Variants in BMERB1 observed in about 807,000 individuals in gnomAD.
The protein encoded by BMERB1 is bMERB domain-containing protein 1.
BMERB1 carries 12 observed loss-of-function variants against 23.6 expected under a neutral mutation model. The ratio of observed to expected loss-of-function variants is 0.51; its 90% CI spans 0.33 to 0.82. BMERB1 has a LOEUF of 0.82. Ranked by LOEUF, BMERB1 falls within the 40% of genes least tolerant of loss-of-function variation. BMERB1 has a pLI of 0.03. For synonymous variants in BMERB1, 122 were observed against 96.6 expected (o/e 1.26, Z -1.54); for missense variants, 247 against 255.4 (o/e 0.97, Z 0.22).
chr16:15,441,694 A>T (rs1401643423), intron 1 of BMERB1, among the ~76,000 whole-genome samples: 1 of 151,724 alleles, frequency 6.6e-6, no homozygotes. Context: ...TTAGTTTGTG[A>T]ATTTTTGGTA....
intron 2 of BMERB1, chr16:15,536,550 G>A (rs1413330004): frequency 6.6e-6 from 1 of 152,298 alleles, no homozygotes; most frequent in Non-Finnish European, 1.5e-5. Context: ...CTGCTTCCCC[G>A]ATTGAGCACT....
chr16:15,500,931 C>A (rs529046249), intron 1 of BMERB1, among the ~76,000 whole-genome samples: 2 of 152,124 alleles, frequency 1.3e-5, no homozygotes, highest in African/African-American at 4.8e-5. Flanking sequence ...GGATTACAGG[C>A]GTGAGCCACC....
chr16:15,452,878 G>A (rs2051053994), intron 1 of BMERB1, among the ~76,000 whole-genome samples: 1 of 152,144 alleles, frequency 6.6e-6, no homozygotes, highest in Non-Finnish European at 1.5e-5. Flanking sequence ...TCACGGGTGA[G>A]GTGTATTCTC....
At chr16:15,503,308 G>A (rs1002918585) in intron 1 of BMERB1, among the ~76,000 whole-genome samples, 46 of 151,806 alleles carry the variant, frequency 3.0e-4, no homozygotes, top group African/African-American at 1.1e-3. Context: ...TTGAGACGGA[G>A]TCTCGCTCTG....
At chr16:15,571,753 G>A in intron 3 of BMERB1, among the ~76,000 whole-genome samples, 1 of 152,120 alleles carries the variant, frequency 6.6e-6, no homozygotes, top group Admixed American at 6.5e-5. Context: ...TAAATTAACA[G>A]CTTATCCTAA....
chr16:15,532,538 C>T (rs1006922734), intron 2 of BMERB1, among the ~76,000 whole-genome samples: 90 of 94,930 alleles, frequency 9.5e-4, no homozygotes, highest in Non-Finnish European at 9.9e-4. Context: ...TTTTTTTTTT[C>T]TTTTTCTTTT....
chr16:15,545,746 T>C (rs2052127599), intron 2 of BMERB1, among the ~76,000 whole-genome samples: 2 of 152,150 alleles, frequency 1.3e-5, no homozygotes, highest in African/African-American at 4.8e-5. Context: ...GAGCTTCTGA[T>C]TGGCTGAGTC....
chr16:15,554,144 G>A (rs934168188), intron 2 of BMERB1, among the ~76,000 whole-genome samples: 2 of 151,912 alleles, frequency 1.3e-5, no homozygotes, highest in Admixed American at 6.6e-5. Context: ...GTTGCATCTC[G>A]ATTTGAGCAG....
chr16:15,546,269 C>T (rs1003485785), intron 2 of BMERB1, among the ~76,000 whole-genome samples: 9 of 152,192 alleles, frequency 5.9e-5, no homozygotes, highest in African/African-American at 2.2e-4. Context: ...GCCTACATGA[C>T]AGAGCAAGAC....
chr16:15,587,443 C>T lies in BMERB1; in HGVS notation c.*614C>T. The T allele has an allele frequency of 3.1e-6, 1 of 323,774 alleles. No homozygotes were observed. 20.1% of individuals were successfully genotyped at this position (323,774 alleles called of 1,614,324 possible). On this transcript the variant is annotated 3_prime_UTR_variant, in exon 6 of 6. Transcript: ENST00000300006. Reference sequence around the variant, plus strand: ...CGTGGTCACATCTCCCGCTTCCCCCCATCCTGTGTCTGGGCACAGTTCACA... The same window carrying T: ...CGTGGTCACATCTCCCGCTTCCCCCTATCCTGTGTCTGGGCACAGTTCACA...
Position 15,434,683 on chromosome 16 carries a change from T to C in BMERB1, c.30T>C (p.His10=). Residue 10 remains histidine (H), a synonymous_variant, in exon 1 of 6, where the codon CAT becomes CAC. Transcript: ENST00000300006. ...AATTAAAGCAATCTTTGTCCACCCA[T>C]CTGGAAGCCGAGAAGCCTCTGAGGC... MELKQSLST[H]LEAEKPLRRY... The C allele has an allele frequency of 6.2e-7, 1 of 1,612,024 alleles. No homozygotes were observed. The highest frequency in any genetic ancestry group is 1.1e-5 in the South Asian group (1 of 91,042).
chr16:15,505,887 C>CAA lies in BMERB1; in HGVS notation c.107-9401_107-9400dup, dbSNP rs754187273. Among the ~76,000 whole-genome samples the CAA allele has an allele frequency of 4.5e-4, 25 of 55,582 alleles. 2 individuals carry two copies. Among genetic ancestry groups the CAA allele is most frequent in the Admixed American group, 6.6e-4 (3 of 4,546 alleles). The allele number at this position is 55,582 out of a possible 152,430, so 36.5% of individuals were successfully genotyped here. A position where few individuals can be genotyped will look rare whatever the true frequency, so the allele number is the denominator to read the frequency against. ...TGGGTGACAGAGCGAGACGCCGTTT[C>CAA]AAAAAAAAAAAAAAAAAAGTGAATG... On this transcript the variant is annotated intron_variant, in intron 1 of 5. Transcript: ENST00000300006.
intron 2 of BMERB1, among the ~76,000 whole-genome samples, chr16:15,517,735 C>T (rs66651392): frequency 0.25 from 37,510 of 151,682 alleles, 5,951 homozygotes; most frequent in East Asian, 0.51. Context: ...ACTGTGTGCG[C>T]GTGTGTGTGG....
At chr16:15,488,386 T>C (rs2150938043) in intron 1 of BMERB1, among the ~76,000 whole-genome samples, 2 of 152,218 alleles carry the variant, frequency 1.3e-5, no homozygotes, top group East Asian at 3.9e-4. Context: ...GGGGCCATAT[T>C]TTTCATACCC....
At chr16:15,440,425 C>T (rs1327282017) in intron 1 of BMERB1, among the ~76,000 whole-genome samples, 1 of 152,006 alleles carries the variant, frequency 6.6e-6, no homozygotes. Context: ...GATCGTAAAA[C>T]TGGCCAGCGT....
At chr16:15,494,877 C>CTTTT (rs754135430) in intron 1 of BMERB1, among the ~76,000 whole-genome samples, 51 of 95,160 alleles carry the variant, frequency 5.4e-4, no homozygotes, top group Non-Finnish European at 6.9e-4. Context: ...TTTTTTTTAT[C>CTTTT]TTTTTTTTTT....
At chr16:15,462,367 T>C (rs1287829401) in intron 1 of BMERB1, among the ~76,000 whole-genome samples, 1 of 152,014 alleles carries the variant, frequency 6.6e-6, no homozygotes, top group Non-Finnish European at 1.5e-5. Context: ...TTGGCCAGGC[T>C]GGTCTTGAAG....
At chr16:15,497,251 C>T (rs77240416) in intron 1 of BMERB1, among the ~76,000 whole-genome samples, 1,896 of 152,220 alleles carry the variant, frequency 0.012, 23 homozygotes, top group Non-Finnish European at 0.02. Context: ...CAACTAAAAT[C>T]AAGGGTTTAT....
intron 5 of BMERB1, among the ~76,000 whole-genome samples, chr16:15,585,524 G>A (rs76293120): frequency 0.014 from 2,126 of 152,160 alleles, 20 homozygotes; most frequent in Admixed American, 0.02. Context: ...CCTTGAAGAT[G>A]AGCCCTCAAT....
Sources: allele counts gnomAD v4.1 joint callset (sites outside exome capture counted in the v4.1 genomes callset), GRCh38; gene constraint gnomAD v4.1.1; transcripts MANE v1.5; gene names NCBI Gene and HGNC (gene_info 2026-07-23, HGNC 2026-07-21).